GLOD4: variants seen among roughly 807,000 people sequenced by gnomAD.
GLOD4 encodes glyoxalase domain-containing protein 4.
A neutral mutation model predicts 39.1 loss-of-function variants in GLOD4; 44 were observed. The observed-to-expected ratio is 1.13, with a 90% confidence interval of 0.88 to 1.45. The LOEUF is 1.45. Ranked by LOEUF, GLOD4 falls within the 40% of genes most tolerant of loss-of-function variation. GLOD4 has a pLI of 0.00. For synonymous variants in GLOD4, 145 were observed against 135.0 expected (o/e 1.07, Z -0.52); for missense variants, 405 against 366.4 (o/e 1.11, Z -0.86).
At chr17:782,603 G>A, upstream of GLOD4, 2 of 1,613,998 alleles carry the variant, frequency 1.2e-6, no homozygotes, top group East Asian at 2.2e-5. Flanking sequence ...AGAAACAACC[G>A]CTCGAGGAGT....
chr17:763,819 T>A (rs900417875), intron 8 of GLOD4: 2 of 152,176 alleles, frequency 1.3e-5, no homozygotes, highest in African/African-American at 4.8e-5. Context: ...GGATATAACA[T>A]CGGTCTGGAC....
upstream of GLOD4, among the ~76,000 whole-genome samples, chr17:785,097 G>A (rs1910474126): frequency 6.6e-6 from 1 of 152,024 alleles, no homozygotes; most frequent in Non-Finnish European, 1.5e-5. Flanking sequence ...AGTCCCTTGG[G>A]AGCAGACTAC....
At chr17:781,866 C>T (rs1291406743) in intron 1 of GLOD4, 7 of 420,052 alleles carry the variant, frequency 1.7e-5, no homozygotes, top group Non-Finnish European at 3.0e-5. Context: ...TATTTACCGT[C>T]TTTTCCGGTA....
At position 781,202 on chromosome 17, in the gene GLOD4, T is replaced by C. The variant is rs1909886640; in HGVS notation, c.90+964A>G. Among the ~76,000 whole-genome samples, 4 of 152,186 alleles carry C rather than the reference T, an allele frequency of 2.6e-5. No individual in the cohort carries two copies. The South Asian group carries it at 8.3e-4, about 32-fold the overall frequency. On this transcript the variant is annotated intron_variant, in intron 1 of 8. Transcript: ENST00000301329. The stretch of plus-strand genomic sequence containing the variant: ...TCCCAAAGTGCTGAGATTACAGGCG[T>C]GGGCCACCGCGCCGGCACGTGTTTA...
chr17:773,568 TA>T (rs1432915042), intron 4 of GLOD4, among the ~76,000 whole-genome samples: 1 of 152,094 alleles, frequency 6.6e-6, no homozygotes, highest in African/African-American at 2.4e-5. Context: ...GATTATTTTG[TA>T]AAAAGAATAA....
rs761704810 is a variant in GLOD4, at chr17:776,948, C to T, written c.181G>A (p.Gly61Arg). The T allele has an allele frequency of 6.2e-7, 1 of 1,605,030 alleles. No individual in the cohort carries two copies. The highest frequency in any genetic ancestry group is 8.5e-7 in the Non-Finnish European group (1 of 1,171,698). Reference protein sequence around the residue: ...GKWSKTMVGFGPEDDHFVAEL... With the variant: ...GKWSKTMVGFRPEDDHFVAEL... ...GCGACAAAATGATCATCCTCAGGCC[C>T]AAATCCCACCATTGTTTTACTCCAT... Residue 61 changes from glycine (G) to arginine (R), a missense_variant, in exon 3 of 9, where the codon GGG (glycine) becomes AGG (arginine). Gly to Arg is a moderately radical substitution (Grantham distance 125). Coordinates refer to ENST00000301329, the MANE Select transcript of GLOD4 (RefSeq NM_016080.4).
chr17:782,011 G>A (rs1400799350), intron 1 of GLOD4, 155 bp downstream of exon 1: 4 of 604,790 alleles, frequency 6.6e-6, no homozygotes, highest in South Asian at 6.0e-5. Context: ...ACGGCAACTC[G>A]CCACGCTCCT....
upstream of GLOD4, chr17:783,038 G>A (rs1284865059): frequency 1.9e-6 from 3 of 1,558,738 alleles, no homozygotes; most frequent in East Asian, 2.3e-5. Context: ...TCAGTAACAA[G>A]GATGTTGATA....
intron 8 of GLOD4, chr17:764,822 C>G (rs4968109): frequency 0.2 from 25,408 of 129,844 alleles, 3,096 homozygotes; most frequent in East Asian, 0.4. Context: ...TCCTGGCTAA[C>G]ACGGTGAAAC....
intron 8 of GLOD4, chr17:764,250 TA>T (rs1906048179): frequency 6.6e-6 from 1 of 152,070 alleles, no homozygotes; most frequent in Non-Finnish European, 1.5e-5. Context: ...TCTACAAACA[TA>T]AAAAACATCA....
chr17:774,009 T>C (rs1272262870), intron 4 of GLOD4, among the ~76,000 whole-genome samples: 1 of 152,216 alleles, frequency 6.6e-6, no homozygotes, highest in Non-Finnish European at 1.5e-5. Context: ...TGGGGCTCTC[T>C]ATTATTTTAA....
intron 4 of GLOD4, among the ~76,000 whole-genome samples, chr17:772,187 G>GAAAAAAA (rs58914913): frequency 5.9e-4 from 30 of 50,844 alleles, no homozygotes; most frequent in African/African-American, 1.4e-3. Flanking sequence ...ACCCTATCTC[G>GAAAAAAA]AAAAAAAAAA....
chr17:782,811 G>A, upstream of GLOD4: 1 of 1,082,432 alleles, frequency 9.2e-7, no homozygotes, highest in Non-Finnish European at 1.3e-6. Flanking sequence ...TTTGTATTAT[G>A]CACAGAGGGC....
chr17:777,043 A>C lies in GLOD4; in HGVS notation c.141-55T>G, dbSNP rs528441946. 26 of 1,581,420 alleles carry C rather than the reference A, an allele frequency of 1.6e-5. No homozygotes were observed. The African/African-American group carries it at 3.4e-4, about 20-fold the overall frequency. ...ACTACAGACAAGTCAGCCTCAGGCC[A>C]CCCCCAGAGAACTACTGGGCACAGA... On this transcript the variant is annotated intron_variant, in intron 2 of 8. Coordinates refer to ENST00000301329, the MANE Select transcript of GLOD4 (RefSeq NM_016080.4).
rs1908465486 is a variant in GLOD4 at position 774,071 on chromosome 17, TGCAA to T, written c.406+1700_406+1703del. 6.6e-5 allele frequency among the ~76,000 whole-genome samples: 10 copies of T among 152,308 alleles called. 1 individual carries two copies. In the South Asian group the frequency reaches 2.1e-3, roughly 32 times the overall value. ...AGAAAAAATGGATGGTGGAGCTAGCTGCAAGCGTTAAGTTTTAAAGTCAGCAAAG... is the reference window on the plus strand; with the variant it reads ...AGAAAAAATGGATGGTGGAGCTAGCTGCGTTAAGTTTTAAAGTCAGCAAAG... On this transcript the variant is annotated intron_variant, in intron 4 of 8. Coordinates refer to ENST00000301329, the MANE Select transcript of GLOD4 (RefSeq NM_016080.4).
At chr17:763,261 A>C (rs1177867000) in intron 8 of GLOD4, among the ~76,000 whole-genome samples, 1 of 151,802 alleles carries the variant, frequency 6.6e-6, no homozygotes, top group African/African-American at 2.4e-5. Flanking sequence ...TAATCCCAGC[A>C]CTTTGGGAGG....
intron 8 of GLOD4, among the ~76,000 whole-genome samples, chr17:761,019 G>A (rs1247146254): frequency 6.6e-6 from 1 of 152,176 alleles, no homozygotes; most frequent in Non-Finnish European, 1.5e-5. Flanking sequence ...TGTTTAGTAA[G>A]GACAAACACT....
Position 782,202 on chromosome 17 carries a change from C to G in GLOD4, c.54G>C (p.Gln18His). The G allele has an allele frequency of 6.2e-7, 1 of 1,613,228 alleles. No individual in the cohort carries two copies. The highest frequency in any genetic ancestry group is 8.5e-7 in the Non-Finnish European group (1 of 1,179,578). ...HFVFKVGNRF[Q>H]TARFYRDVLG... The stretch of plus-strand genomic sequence containing the variant: ...GGACGTCCCGATAGAAACGCGCCGT[C>G]TGGAAGCGGTTTCCCACTTTGAATA... The change falls in exon 1 of 9, where the codon CAG becomes CAC. Residue 18 changes from glutamine (Q) to histidine (H), a missense_variant. Physicochemically the swap from Gln to His is conservative, Grantham distance 24. Transcript: ENST00000301329.
intron 5 of GLOD4, 97 bp from the exon 6 acceptor site, chr17:770,604 G>A: frequency 1.4e-6 from 1 of 725,382 alleles, no homozygotes; most frequent in Non-Finnish European, 2.5e-6. Context: ...AAGGAATAAA[G>A]TAAAAACTGA....
Sources: gnomAD v4.1 joint callset for allele counts (sites outside exome capture counted in the v4.1 genomes callset) on GRCh38, gnomAD v4.1.1 for gene constraint, MANE v1.5 for transcripts, NCBI Gene and HGNC (gene_info 2026-07-23, HGNC 2026-07-21) for gene names.